PDE3A: variants seen among roughly 807,000 people sequenced by gnomAD.
PDE3A encodes the protein phosphodiesterase 3A.
In PDE3A, 43 loss-of-function variants were observed where a neutral mutation model predicts 98.3. That is an observed-to-expected ratio of 0.44 (90% CI 0.34 to 0.56). The LOEUF (loss-of-function observed/expected upper bound fraction) is 0.56. Among genes scored for constraint, PDE3A ranks in the 20% least tolerant of loss-of-function variants. The pLI, the probability that PDE3A is intolerant of heterozygous loss-of-function variation, is 0.01. For synonymous variants in PDE3A, 663 were observed against 567.9 expected (o/e 1.17, Z -2.38); for missense variants, 1,427 against 1,440.7 (o/e 0.99, Z 0.15).
In PDE3A at chr12:20,588,179, A is replaced by G. The variant is rs115775435; in HGVS notation, c.1012-25264A>G. ...GCCTGCTGACGTCAACGAAATTGCC[A>G]GATGGCATTTGAATGCTTTGCAAAA... On this transcript the variant is annotated intron_variant, in intron 2 of 15. Coordinates refer to ENST00000359062, the MANE Select transcript of PDE3A (RefSeq NM_000921.5). 3.8e-3 allele frequency among the ~76,000 whole-genome samples: 573 copies of G among 152,294 alleles called. 6 individuals carry two copies. The highest frequency in any genetic ancestry group is 0.013 in the African/African-American group (537 of 41,560).
At chr12:20,534,084 C>T (rs868649251) in intron 1 of PDE3A, among the ~76,000 whole-genome samples, 4 of 152,170 alleles carry the variant, frequency 2.6e-5, no homozygotes, top group Non-Finnish European at 5.9e-5. Flanking sequence ...TGGTAAAACC[C>T]TCTTCAACCT....
At chr12:20,495,578 A>T (rs1231246855) in intron 1 of PDE3A, among the ~76,000 whole-genome samples, 2 of 151,830 alleles carry the variant, frequency 1.3e-5, no homozygotes, top group Non-Finnish European at 2.9e-5. Flanking sequence ...TCATGTGCCA[A>T]TTTTTTTCTA....
At chr12:20,491,773 A>G (rs1382575631) in intron 1 of PDE3A, among the ~76,000 whole-genome samples, 1 of 152,218 alleles carries the variant, frequency 6.6e-6, no homozygotes, top group Non-Finnish European at 1.5e-5. Flanking sequence ...TTAACTACAA[A>G]GTGGATTGTC....
At position 20,611,399 on chromosome 12, in the gene PDE3A, T is replaced by C. The variant is rs149221045; in HGVS notation, c.1012-2044T>C. 6.7e-3 allele frequency among the ~76,000 whole-genome samples: 1,010 copies of C among 151,320 alleles called. 5 individuals are homozygous for C. The highest frequency in any genetic ancestry group is 0.027 in the Admixed American group (410 of 15,012). On this transcript the variant is annotated intron_variant, in intron 2 of 15. Transcript: ENST00000359062. ...GTAATTACAGATATATTTAAGCACA[T>C]AAAATTAAGATTTTCTGTTTTTGTT...
chr12:20,560,217 G>A (rs957210933), intron 2 of PDE3A, among the ~76,000 whole-genome samples: 1 of 152,152 alleles, frequency 6.6e-6, no homozygotes. Context: ...AGATAATTGA[G>A]CTCCTCCAGT....
At chr12:20,525,428 T>C (rs1310049256) in intron 1 of PDE3A, among the ~76,000 whole-genome samples, 1 of 147,320 alleles carries the variant, frequency 6.8e-6, no homozygotes, top group Non-Finnish European at 1.5e-5. Context: ...TTGTTGTTCC[T>C]TTTTCAAATC....
At chr12:20,591,819 T>C (rs1565441353) in intron 2 of PDE3A, among the ~76,000 whole-genome samples, 1 of 152,206 alleles carries the variant, frequency 6.6e-6, no homozygotes, top group Non-Finnish European at 1.5e-5. Flanking sequence ...AGAACTGTCA[T>C]AGCCAAACAG....
intron 1 of PDE3A, among the ~76,000 whole-genome samples, chr12:20,459,956 G>T (rs1440501658): frequency 6.6e-6 from 1 of 152,154 alleles, no homozygotes; most frequent in Non-Finnish European, 1.5e-5. Context: ...TGCAGGAGAG[G>T]CTGGTGCTTC....
chr12:20,443,823 G>A lies in PDE3A; in HGVS notation c.960+73579G>A, dbSNP rs1427699846. On this transcript the variant is annotated intron_variant, in intron 1 of 15. Coordinates refer to ENST00000359062, the MANE Select transcript of PDE3A (RefSeq NM_000921.5). ...TTTTCTTATGGAACATCATTACTCT[G>A]CCTCTCAGAAGATTTGCCAAAGTGT... Among the ~76,000 whole-genome samples, 5 of 152,134 alleles carry A rather than the reference G, an allele frequency of 3.3e-5. No homozygotes were observed. In the East Asian group the frequency reaches 9.6e-4, roughly 29 times the overall value.
intron 2 of PDE3A, among the ~76,000 whole-genome samples, chr12:20,604,532 C>T (rs1943667677): frequency 6.6e-6 from 1 of 152,132 alleles, no homozygotes; most frequent in African/African-American, 2.4e-5. Context: ...AGCTTTCTAG[C>T]TCTTGTTCCA....
intron 1 of PDE3A, among the ~76,000 whole-genome samples, chr12:20,410,596 A>G (rs1028556087): frequency 3.3e-5 from 5 of 152,066 alleles, no homozygotes; most frequent in African/African-American, 1.2e-4. Context: ...ACTATTTTTC[A>G]TCAAAAGATG....
chr12:20,635,007 G>A lies in PDE3A; in HGVS notation c.1952G>A (p.Arg651Lys). The change falls in exon 8 of 16, where the codon AGG (arginine) becomes AAG (lysine). Residue 651 changes from arginine to lysine, a missense_variant. This residue lies in a region of PDE3A where 1,012 missense variants were observed against 886.5 expected (regional missense o/e 1.14). Transcript: ENST00000359062. The stretch of plus-strand genomic sequence containing the variant: ...ACAGAGTGCCTGAGAGAGCCTCTGA[G>A]GAAAGCATCGGCTTGCAGCACCTAT... ...DETECLREPLRKASACSTYAP... is the reference protein window; with the variant it reads ...DETECLREPLKKASACSTYAP... 1 of 1,613,728 alleles carries A rather than the reference G, an allele frequency of 6.2e-7. No homozygotes were observed. The highest frequency in any genetic ancestry group is 1.1e-5 in the South Asian group (1 of 91,072).
chr12:20,456,258 G>T (rs1945149664), intron 1 of PDE3A, among the ~76,000 whole-genome samples: 1 of 152,078 alleles, frequency 6.6e-6, no homozygotes, highest in South Asian at 2.1e-4. Flanking sequence ...GCTTAAGTTT[G>T]CTAAAATACA....
intron 1 of PDE3A, among the ~76,000 whole-genome samples, chr12:20,549,653 T>G (rs1942146868): frequency 6.6e-6 from 1 of 152,098 alleles, no homozygotes; most frequent in Admixed American, 6.6e-5. Flanking sequence ...TTTTTATTAC[T>G]TTGAAAAAAG....
rs578188195 is a variant in PDE3A, at chr12:20,368,827, C to T, written c.-458C>T. On this transcript the variant is annotated 5_prime_UTR_variant, in exon 1 of 16. Transcript: ENST00000359062. ...TGCAGCGCAGCGCAGCGCCGAGCTG[C>T]GCCTCGGAATGGCCCGGAGCCCGCC... Among the ~76,000 whole-genome samples, 22 of 151,966 alleles carry T rather than the reference C, an allele frequency of 1.4e-4. No individual in the cohort carries two copies. Among genetic ancestry groups the T allele is most frequent in the Non-Finnish European group, 3.2e-4 (22 of 67,986 alleles).
intron 1 of PDE3A, among the ~76,000 whole-genome samples, chr12:20,496,985 C>T (rs1650771005): frequency 1.3e-5 from 2 of 152,110 alleles, no homozygotes; most frequent in African/African-American, 2.4e-5. Flanking sequence ...ACTTGAATTC[C>T]ACTTGCTGTA....
chr12:20,376,735 G>A (rs61911342), intron 1 of PDE3A, among the ~76,000 whole-genome samples: 7,282 of 151,652 alleles, frequency 0.048, 246 homozygotes, highest in African/African-American at 0.097. Flanking sequence ...AAAAACAGCT[G>A]GTAATTTTTT....
chr12:20,407,025 G>T (rs970781221), intron 1 of PDE3A, among the ~76,000 whole-genome samples: 3 of 152,142 alleles, frequency 2.0e-5, no homozygotes, highest in South Asian at 2.1e-4. Context: ...TTATTTCTGG[G>T]CTCTCTGTTC....
intron 1 of PDE3A, among the ~76,000 whole-genome samples, chr12:20,497,607 CAAAT>C (rs562119491): frequency 4.0e-5 from 6 of 148,788 alleles, no homozygotes; most frequent in Admixed American, 2.0e-4. Flanking sequence ...TATGTTAGTA[CAAAT>C]AAATAAATAA....
Sources: allele counts gnomAD v4.1 joint callset (sites outside exome capture counted in the v4.1 genomes callset), GRCh38; gene constraint gnomAD v4.1.1; regional missense constraint gnomAD v4.1.1; transcripts MANE v1.5; gene names NCBI Gene and HGNC (gene_info 2026-07-23, HGNC 2026-07-21).